Variants in CDH13 observed in about 807,000 individuals in gnomAD.
The protein encoded by CDH13 is cadherin-13.
In CDH13, 24 loss-of-function variants were observed where a neutral mutation model predicts 63.8. That is an observed-to-expected ratio of 0.38 (90% CI 0.27 to 0.53). The LOEUF is 0.53. CDH13 is among the 20% of genes least tolerant of loss of function. The pLI is 0.85. For missense variants in CDH13, 1,049 were observed against 903.1 expected, an observed-to-expected ratio of 1.16 and a Z score of -2.07; for synonymous variants, 503 against 355.3, an observed-to-expected ratio of 1.42 and a Z score of -4.67.
At chr16:83,753,908 A>G (rs925458846) in intron 11 of CDH13, among the ~76,000 whole-genome samples, 2 of 150,730 alleles carry the variant, frequency 1.3e-5, no homozygotes, top group African/African-American at 4.9e-5. Context: ...CAACTAGATA[A>G]ACTAAAATAC....
intron 1 of CDH13, among the ~76,000 whole-genome samples, chr16:82,792,301 C>A (rs967466501): frequency 3.3e-5 from 5 of 152,152 alleles, no homozygotes; most frequent in East Asian, 1.9e-4. Context: ...CATTTAGCAC[C>A]CTTTCTCGCT....
At chr16:82,670,093 T>G (rs533828652) in intron 1 of CDH13, among the ~76,000 whole-genome samples, 1 of 152,328 alleles carries the variant, frequency 6.6e-6, no homozygotes, top group East Asian at 1.9e-4. Context: ...CTGCCGGGGT[T>G]TCTTGAGTCA....
intron 2 of CDH13, among the ~76,000 whole-genome samples, chr16:82,931,605 G>A (rs953178195): frequency 1.3e-5 from 2 of 151,918 alleles, no homozygotes; most frequent in Admixed American, 6.6e-5. Flanking sequence ...CTGAGACTGG[G>A]TAATTTATAA....
chr16:82,654,266 C>T (rs941760596), intron 1 of CDH13, among the ~76,000 whole-genome samples: 14 of 152,168 alleles, frequency 9.2e-5, no homozygotes, highest in African/African-American at 3.1e-4. Flanking sequence ...TTGGCTGACA[C>T]TTACATGGTG....
At chr16:83,363,959 T>C (rs1346534756) in intron 6 of CDH13, among the ~76,000 whole-genome samples, 2 of 152,084 alleles carry the variant, frequency 1.3e-5, no homozygotes, top group Non-Finnish European at 2.9e-5. Flanking sequence ...TTGTGAGCAA[T>C]TTTGGGATAG....
At chr16:83,540,654 C>T (rs569698135) in intron 7 of CDH13, among the ~76,000 whole-genome samples, 2 of 152,286 alleles carry the variant, frequency 1.3e-5, no homozygotes, top group South Asian at 2.1e-4. Context: ...AGTAACTGTC[C>T]TAATGACATC....
chr16:83,009,478 G>C (rs894583885), intron 2 of CDH13, among the ~76,000 whole-genome samples: 3 of 151,950 alleles, frequency 2.0e-5, no homozygotes, highest in Admixed American at 1.3e-4. Context: ...TTTTCCTCCA[G>C]ACAATTCTAG....
At chr16:82,647,749 C>T (rs529342691) in intron 1 of CDH13, among the ~76,000 whole-genome samples, 19 of 151,450 alleles carry the variant, frequency 1.3e-4, no homozygotes, top group African/African-American at 4.6e-4. Flanking sequence ...TTGAGCCAGC[C>T]CTGTAATGGA....
At chr16:83,171,627 CT>C in intron 4 of CDH13, 1 of 1,359,700 alleles carries the variant, frequency 7.4e-7, no homozygotes, top group Non-Finnish European at 1.0e-6. Context: ...TTGTTTGTGT[CT>C]CCAATTTCCT....
chr16:82,795,295 C>T (rs1160575181), intron 1 of CDH13, among the ~76,000 whole-genome samples: 4 of 152,190 alleles, frequency 2.6e-5, no homozygotes, highest in Non-Finnish European at 5.9e-5. Flanking sequence ...TGAGTAAACT[C>T]AGCCTCAGTG....
intron 3 of CDH13, among the ~76,000 whole-genome samples, chr16:83,094,304 G>T (rs1471310508): frequency 6.6e-6 from 1 of 152,152 alleles, no homozygotes. Flanking sequence ...CTCCCATGGT[G>T]GTTGACAAGA....
intron 7 of CDH13, among the ~76,000 whole-genome samples, chr16:83,491,453 A>T (rs2074009269): frequency 6.6e-6 from 1 of 152,184 alleles, no homozygotes; most frequent in African/African-American, 2.4e-5. Flanking sequence ...ACGTTTGATA[A>T]ATGTTTTATT....
At chr16:83,263,921 G>T (rs1345672008) in intron 5 of CDH13, among the ~76,000 whole-genome samples, 1 of 152,140 alleles carries the variant, frequency 6.6e-6, no homozygotes, top group Non-Finnish European at 1.5e-5. Flanking sequence ...ACCTCAGACA[G>T]TCTTTCATGC....
intron 6 of CDH13, among the ~76,000 whole-genome samples, chr16:83,368,440 T>A (rs2091294749): frequency 6.6e-6 from 1 of 152,214 alleles, no homozygotes; most frequent in Non-Finnish European, 1.5e-5. Flanking sequence ...TGTCTTTTAT[T>A]TGAGCCATGA....
intron 7 of CDH13, among the ~76,000 whole-genome samples, chr16:83,557,755 A>T (rs563918474): frequency 2.0e-5 from 3 of 152,002 alleles, no homozygotes; most frequent in Non-Finnish European, 2.9e-5. Flanking sequence ...TTTCATCTCA[A>T]TGCCCATTTG....
At chr16:83,475,019 G>A (rs1247890618) in intron 6 of CDH13, among the ~76,000 whole-genome samples, 1 of 152,258 alleles carries the variant, frequency 6.6e-6, no homozygotes, top group African/African-American at 2.4e-5. Flanking sequence ...GACCCCCTGT[G>A]TTTCCCAGGC....
intron 2 of CDH13, among the ~76,000 whole-genome samples, chr16:82,884,802 T>C (rs2040824877): frequency 6.6e-6 from 1 of 152,222 alleles, no homozygotes; most frequent in Non-Finnish European, 1.5e-5. Flanking sequence ...AAAATCCTTT[T>C]TGAAAACTTC....
intron 6 of CDH13, among the ~76,000 whole-genome samples, chr16:83,349,033 G>T (rs917186360): frequency 1.3e-5 from 2 of 152,310 alleles, no homozygotes; most frequent in South Asian, 4.1e-4. Flanking sequence ...ACAAAGGAAG[G>T]TCACCCATAT....
At chr16:83,778,077 C>T (rs1597217370) in intron 11 of CDH13, among the ~76,000 whole-genome samples, 1 of 152,178 alleles carries the variant, frequency 6.6e-6, no homozygotes, top group East Asian at 1.9e-4. Flanking sequence ...AATGTGTGAC[C>T]TATGAATTTG....
Sources: allele counts gnomAD v4.1 joint callset (sites outside exome capture counted in the v4.1 genomes callset), GRCh38; gene constraint gnomAD v4.1.1; transcripts MANE v1.5; gene names NCBI Gene and HGNC (gene_info 2026-07-23, HGNC 2026-07-21).